The following NAA16 variants were observed in gnomAD, a reference collection of about 807,000 sequenced individuals.
NAA16 encodes the protein N-alpha-acetyltransferase 16, NatA auxiliary subunit.
NAA16 carries 97 observed loss-of-function variants against 110.3 expected under a neutral mutation model. The observed-to-expected ratio is 0.88, with a 90% CI of 0.75 to 1.04. NAA16 has a LOEUF of 1.04. NAA16 is among the 50% of genes least tolerant of loss of function. NAA16 has a pLI of 0.00. For missense variants in NAA16, 1,017 were observed against 1,005.1 expected (o/e 1.01, Z -0.16); for synonymous variants, 372 against 330.6 (o/e 1.13, Z -1.36).
intron 1 of NAA16, among the ~76,000 whole-genome samples, chr13:41,312,470 T>A (rs2041646672): frequency 6.6e-6 from 1 of 152,108 alleles, no homozygotes; most frequent in Non-Finnish European, 1.5e-5. Flanking sequence ...AGCATTCCTT[T>A]GCTTTCCTCA....
intron 6 of NAA16, chr13:41,328,076 C>G (rs2042140127): frequency 1.3e-5 from 2 of 151,998 alleles, no homozygotes; most frequent in Non-Finnish European, 2.9e-5. Context: ...AGAATCTCCC[C>G]TTTATCTTGG....
Position 41,320,203 on chromosome 13 carries a change from AT to A in NAA16, c.245-462del, listed in dbSNP as rs369774008. ...CTAGGGAAGTAGGTGATAGTTACACATTACTTTAGAATTGGTTGACTAAATT... is the reference window on the plus strand; with the variant it reads ...CTAGGGAAGTAGGTGATAGTTACACATACTTTAGAATTGGTTGACTAAATT... On this transcript the variant is annotated intron_variant, in intron 3 of 19. Transcript: ENST00000379406. 3.6e-3 allele frequency among the ~76,000 whole-genome samples: 543 copies of A among 152,250 alleles called. 1 individual carries two copies. The highest frequency in any genetic ancestry group is 0.012 in the African/African-American group (492 of 41,546).
intron 9 of NAA16, among the ~76,000 whole-genome samples, chr13:41,343,551 G>A (rs1217815849): frequency 6.6e-6 from 1 of 151,442 alleles, no homozygotes; most frequent in Non-Finnish European, 1.5e-5. Context: ...TGGTTTTTTT[G>A]TTTGGAGTCT....
chr13:41,340,663 T>A, intron 9 of NAA16, among the ~76,000 whole-genome samples: 2 of 3,568 alleles, frequency 5.6e-4, no homozygotes, highest in Non-Finnish European at 1.2e-3. Flanking sequence ...TTTTTTTTTT[T>A]TTTTTTTTTT....
intron 17 of NAA16, chr13:41,373,302 G>T: frequency 5.0e-6 from 3 of 600,766 alleles, no homozygotes; most frequent in Non-Finnish European, 6.2e-6. Context: ...CTGTTGTCTA[G>T]GCTGGAGTGC....
At chr13:41,321,924 C>G (rs2041957842) in intron 4 of NAA16, among the ~76,000 whole-genome samples, 1 of 152,146 alleles carries the variant, frequency 6.6e-6, no homozygotes, top group Admixed American at 6.5e-5. Flanking sequence ...GCTGAACTTA[C>G]TATAATAATA....
chr13:41,358,186 C>G (rs896870436), intron 10 of NAA16, 118 bp from the exon 11 acceptor site: 3 of 861,902 alleles, frequency 3.5e-6, no homozygotes, highest in Admixed American at 6.1e-5. Flanking sequence ...GTAGTTTTTG[C>G]TGAGTCTTTC....
chr13:41,348,718 G>T (rs932348947), intron 9 of NAA16, among the ~76,000 whole-genome samples: 2 of 152,012 alleles, frequency 1.3e-5, no homozygotes, highest in Admixed American at 1.3e-4. Flanking sequence ...TGAAGAATTG[G>T]TATTATTATT....
chr13:41,371,615 TTATTA>T (rs765739958), intron 15 of NAA16, among the ~76,000 whole-genome samples: 5 of 152,174 alleles, frequency 3.3e-5, no homozygotes, highest in Non-Finnish European at 7.3e-5. Flanking sequence ...ATAGCTTACT[TTATTA>T]TAAGAATACA....
chr13:41,348,616 C>G (rs1327337213), intron 9 of NAA16, among the ~76,000 whole-genome samples: 2 of 152,036 alleles, frequency 1.3e-5, no homozygotes, highest in Admixed American at 1.3e-4. Context: ...CTTTTCATGT[C>G]TTTATCAGAT....
intron 13 of NAA16, chr13:41,362,567 A>ATATT: frequency 2.0e-6 from 1 of 506,964 alleles, no homozygotes; most frequent in Non-Finnish European, 3.2e-6. Flanking sequence ...TCTTCCCAGG[A>ATATT]TATTTGCTCT....
intron 9 of NAA16, among the ~76,000 whole-genome samples, chr13:41,347,201 C>T (rs1352403008): frequency 5.4e-5 from 7 of 128,920 alleles, no homozygotes; most frequent in Non-Finnish European, 7.9e-5. Context: ...GGCGACAGAG[C>T]GAGACTCCGT....
In NAA16 at chr13:41,362,014, G is replaced by T; in HGVS notation, c.1411-17G>T. On this transcript the variant is annotated splice_polypyrimidine_tract_variant and intron_variant, in intron 12 of 19. Transcript: ENST00000379406. ...TTCATTGTTTGCTCTCTATAGTTTT[G>T]AATGCTTCCATTTCAGGAAGGAACA... The T allele has an allele frequency of 6.2e-7, 1 of 1,609,252 alleles. No individual in the cohort carries two copies. Among genetic ancestry groups the T allele is most frequent in the South Asian group, 1.1e-5 (1 of 90,122 alleles).
At chr13:41,342,807 C>T (rs1018310121) in intron 9 of NAA16, among the ~76,000 whole-genome samples, 4 of 152,140 alleles carry the variant, frequency 2.6e-5, no homozygotes, top group African/African-American at 9.7e-5. Flanking sequence ...TGTGTATTAC[C>T]ATTTCACATT....
rs1277913001 is a variant in NAA16, at chr13:41,318,897, CAA to C, written c.232_233del (p.Lys78GlufsTer15). On this transcript the variant is annotated frameshift_variant, in exon 3 of 20. Coordinates refer to ENST00000379406, the MANE Select transcript of NAA16 (RefSeq NM_024561.5). LOFTEE classifies it high-confidence loss of function. Reference sequence around the variant, plus strand: ...TTCGTAAAGGACTTCGTAATGATGTCAAGAGTCATGTCTGTATCCTTTTGCAG... The same window carrying C: ...TTCGTAAAGGACTTCGTAATGATGTCGAGTCATGTCTGTATCCTTTTGCAG... ...FVRKGLRNDV[K>X]SHVCWHVYGL... 7 of 1,585,810 alleles carry C rather than the reference CAA, an allele frequency of 4.4e-6. No individual in the cohort carries two copies. Among genetic ancestry groups the C allele is most frequent in the Non-Finnish European group, 6.0e-6 (7 of 1,164,372 alleles).
At chr13:41,315,163 G>C (rs1356312496) in intron 1 of NAA16, among the ~76,000 whole-genome samples, 1 of 152,160 alleles carries the variant, frequency 6.6e-6, no homozygotes, top group African/African-American at 2.4e-5. Context: ...AGGAGGATGG[G>C]AGTATTTGAT....
At chr13:41,312,651 C>G (rs1185433946) in intron 1 of NAA16, among the ~76,000 whole-genome samples, 1 of 152,166 alleles carries the variant, frequency 6.6e-6, no homozygotes, top group Non-Finnish European at 1.5e-5. Context: ...TGTTGCTTAA[C>G]TTTACTATAA....
chr13:41,320,687 T>C lies in NAA16; in HGVS notation c.265T>C (p.Leu89=), dbSNP rs2041922906. ...SHVCWHVYGL[L]QRSDKKYDEA... ...AATAGGTTGGCATGTATATGGACTC[T>C]TGCAGCGTTCTGATAAAAAATATGA... The change falls in exon 4 of 20, where the codon TTG becomes CTG. Residue 89 remains leucine (L), a synonymous_variant. Transcript: ENST00000379406. The C allele has an allele frequency of 3.1e-6, 5 of 1,611,384 alleles. No homozygotes were observed. Among genetic ancestry groups the C allele is most frequent in the South Asian group, 2.2e-5 (2 of 90,588 alleles).
At chr13:41,350,910 A>C (rs749371875) in intron 9 of NAA16, among the ~76,000 whole-genome samples, 22 of 152,190 alleles carry the variant, frequency 1.4e-4, no homozygotes, top group Non-Finnish European at 2.5e-4. Flanking sequence ...TATTATAGGC[A>C]TGAGCCACTG....
Sources: gnomAD v4.1 joint callset for allele counts (sites outside exome capture counted in the v4.1 genomes callset) on GRCh38, gnomAD v4.1.1 for gene constraint, MANE v1.5 for transcripts, NCBI Gene and HGNC (gene_info 2026-07-23, HGNC 2026-07-21) for gene names.